The following BSX variants were observed in gnomAD, a reference collection of about 807,000 sequenced individuals.
BSX encodes brain specific homeobox, also known as brain-specific homeobox protein homolog.
BSX carries 12 observed loss-of-function variants against 16.9 expected under a neutral mutation model. The ratio of observed to expected loss-of-function variants is 0.71; its 90% CI spans 0.46 to 1.15. The LOEUF is 1.15. Ranked by LOEUF, BSX falls within the 50% of genes most tolerant of loss-of-function variation. BSX has a pLI of 0.00. For synonymous variants in BSX, 160 were observed against 136.4 expected (o/e 1.17, Z -1.20); for missense variants, 292 against 311.8 (o/e 0.94, Z 0.48).
intron 2 of BSX, among the ~76,000 whole-genome samples, chr11:122,978,798 T>C (rs1864530362): frequency 5.1e-5 from 2 of 38,962 alleles, no homozygotes; most frequent in Middle Eastern, 0.022. Context: ...TTCTTTTCTT[T>C]TTTTTTTTTT....
chr11:122,978,053 A>T (rs1864520172), intron 2 of BSX, among the ~76,000 whole-genome samples, 162 bp from the exon 3 acceptor site: 1 of 152,254 alleles, frequency 6.6e-6, no homozygotes, highest in East Asian at 1.9e-4. Context: ...AGAATCGAAC[A>T]GTCTGAGGCT....
At chr11:122,978,803 T>TCTTTTC (rs1565347820) in intron 2 of BSX, among the ~76,000 whole-genome samples, 3 of 117,336 alleles carry the variant, frequency 2.6e-5, no homozygotes, top group Non-Finnish European at 5.2e-5. Context: ...TTCTTTTTTT[T>TCTTTTC]TTTTTTTTTT....
intron 2 of BSX, 91 bp downstream of exon 2, chr11:122,979,170 T>A: frequency 8.1e-7 from 1 of 1,229,684 alleles, no homozygotes; most frequent in Non-Finnish European, 1.1e-6. Context: ...GGTCTATTTC[T>A]ACTCGAACTC....
At position 122,979,254 on chromosome 11, in the gene BSX, C is replaced by A; in HGVS notation, c.459+7G>T. 1.9e-6 allele frequency: 3 copies of A among 1,607,338 alleles called. No homozygotes were observed. The South Asian group carries it at 3.3e-5, about 18-fold the overall frequency. ...AGAGATCAGGGCCTCCCTCTCCTCC[C>A]GCCCACCTGCGTCTCGGACAGGCTG... On this transcript the variant is annotated splice_region_variant and intron_variant, in intron 2 of 2. Transcript: ENST00000343035.
chr11:122,978,766 G>A (rs1864528672), intron 2 of BSX, among the ~76,000 whole-genome samples: 1 of 143,070 alleles, frequency 7.0e-6, no homozygotes, highest in Non-Finnish European at 1.5e-5. Context: ...GGGTTGGGGT[G>A]TCGGTACTTT....
intron 2 of BSX, among the ~76,000 whole-genome samples, chr11:122,978,702 T>C (rs1471930777): frequency 6.6e-6 from 1 of 151,850 alleles, no homozygotes; most frequent in Non-Finnish European, 1.5e-5. Context: ...GAGGAGTGTT[T>C]CCTTCCTGTC....
At position 122,981,804 on chromosome 11, in the gene BSX, G is replaced by C. The variant is rs560231185; in HGVS notation, c.-133C>G. ...CTCCGCTGCTCTCTCCCGGGCCTGGGCTACCCCGGGCGCTGGAGAGGCAAG... is the reference window on the plus strand; with the variant it reads ...CTCCGCTGCTCTCTCCCGGGCCTGGCCTACCCCGGGCGCTGGAGAGGCAAG... On this transcript the variant is annotated 5_prime_UTR_variant, in exon 1 of 3. Coordinates refer to ENST00000343035, the MANE Select transcript of BSX (RefSeq NM_001098169.2). The C allele has an allele frequency of 1.1e-6, 1 of 941,450 alleles. No homozygotes were observed. Among genetic ancestry groups the C allele is most frequent in the Non-Finnish European group, 1.5e-6 (1 of 652,054 alleles). 58.3% of individuals were successfully genotyped at this position (941,450 alleles called of 1,614,324 possible). A position where few individuals can be genotyped will look rare whatever the true frequency, so the allele number is the denominator to read the frequency against.
intron 1 of BSX, among the ~76,000 whole-genome samples, chr11:122,980,485 C>T (rs1201528810): frequency 1.3e-5 from 2 of 152,222 alleles, no homozygotes; most frequent in African/African-American, 2.4e-5. Flanking sequence ...TGGATTCCAG[C>T]GCGCACAAAC....
In BSX at chr11:122,979,444, T is replaced by C; in HGVS notation, c.276A>G (p.Pro92=). ...CGTGCTGCGGGTGCGGGAACAGCGC[T>C]GGGACTGGCATCCCTGCAGAGAGAA... The part of the protein sequence containing the change: ...YFLTTSGMPV[P]ALFPHPQHAE... The change falls in exon 2 of 3, where the codon CCA becomes CCG. Residue 92 remains proline, a synonymous_variant. Transcript: ENST00000343035. The C allele has an allele frequency of 1.2e-6, 2 of 1,612,224 alleles. No homozygotes were observed. Among genetic ancestry groups the C allele is most frequent in the Non-Finnish European group, 8.5e-7 (1 of 1,179,692 alleles).
intron 1 of BSX, among the ~76,000 whole-genome samples, chr11:122,979,993 T>C (rs1209746175): frequency 6.6e-6 from 1 of 151,224 alleles, no homozygotes; most frequent in African/African-American, 2.4e-5. Context: ...AAGCCACCCC[T>C]ATCCCCCTGC....
Position 122,977,921 on chromosome 11 carries a change from T to C in BSX, c.460-30A>G, listed in dbSNP as rs931867635. 1.2e-6 allele frequency: 2 copies of C among 1,610,512 alleles called. No individual in the cohort carries two copies. Among genetic ancestry groups the C allele is most frequent in the Non-Finnish European group, 8.5e-7 (1 of 1,179,838 alleles). On this transcript the variant is annotated intron_variant, in intron 2 of 2. Coordinates refer to ENST00000343035, the MANE Select transcript of BSX (RefSeq NM_001098169.2). This position sits in a 1 kb window ranked among gnomAD's most constrained non-coding sequence, Gnocchi z 4.5. ...TTTCGGGGAGATAAAAATAAAATCATGTCATTCCTCCAAATCTGAGCCATC... is the reference window on the plus strand; with the variant it reads ...TTTCGGGGAGATAAAAATAAAATCACGTCATTCCTCCAAATCTGAGCCATC...
intron 2 of BSX, 116 bp from the exon 3 acceptor site, chr11:122,978,007 C>T (rs1591410738): frequency 1.6e-6 from 2 of 1,224,662 alleles, no homozygotes; most frequent in East Asian, 2.3e-5. Context: ...CGGTGATAGC[C>T]TCAACTGCTC....
chr11:122,981,693 A>G lies in BSX; in HGVS notation c.-22T>C. The G allele has an allele frequency of 6.4e-7, 1 of 1,570,920 alleles. No individual in the cohort carries two copies. The highest frequency in any genetic ancestry group is 8.6e-7 in the Non-Finnish European group (1 of 1,159,992). On this transcript the variant is annotated 5_prime_UTR_variant, in exon 1 of 3. Coordinates refer to ENST00000343035, the MANE Select transcript of BSX (RefSeq NM_001098169.2). ...TCATCTTGAGCGGAGCACCTGCCAC[A>G]GGACAAGGGCCGGGACGAAGTGGAG...
In BSX at chr11:122,977,952, G is replaced by T; in HGVS notation, c.460-61C>A. The T allele has an allele frequency of 6.9e-6, 11 of 1,599,606 alleles. No individual in the cohort carries two copies. Among genetic ancestry groups the T allele is most frequent in the Non-Finnish European group, 9.3e-6 (11 of 1,176,682 alleles). ...TCCTCCAAATCTGAGCCATCGCTGG[G>T]GTTTAGGAAAATGGGCTGCAGTCCG... On this transcript the variant is annotated intron_variant, in intron 2 of 2. Transcript: ENST00000343035. The surrounding 1 kb of genome is among the most constrained non-coding windows in gnomAD (Gnocchi z 4.5).
chr11:122,979,327 G>A lies in BSX; in HGVS notation c.393C>T (p.Ile131=). The A allele has an allele frequency of 6.2e-7, 1 of 1,614,166 alleles. No homozygotes were observed. Among genetic ancestry groups the A allele is most frequent in the Non-Finnish European group, 8.5e-7 (1 of 1,180,020 alleles). Residue 131 remains isoleucine (I), a synonymous_variant, in exon 2 of 3, where the codon ATC becomes ATT. Coordinates refer to ENST00000343035, the MANE Select transcript of BSX (RefSeq NM_001098169.2). ...GTTCTGGCGTGGACAGGTAGCGCTG[G>A]ATCTCGAACCTCTTCTCCAAGCCCG... ...QLSGLEKRFE[I]QRYLSTPERV...
chr11:122,977,622 G>A lies in BSX; in HGVS notation c.*27C>T. On this transcript the variant is annotated 3_prime_UTR_variant, in exon 3 of 3. Coordinates refer to ENST00000343035, the MANE Select transcript of BSX (RefSeq NM_001098169.2). This position sits in a 1 kb window ranked among gnomAD's most constrained non-coding sequence, Gnocchi z 4.5. ...GCTCGGCCCCGCAGTCTCCTCCCCT[G>A]CCTACTACCCTCCCCAGCCTGGCGG... 6.3e-7 allele frequency: 1 copy of A among 1,596,282 alleles called. No individual in the cohort carries two copies. Among genetic ancestry groups the A allele is most frequent in the Admixed American group, 1.7e-5 (1 of 58,580 alleles).
rs938164290 is a variant in BSX, at chr11:122,981,791, C to T, written c.-120G>A. On this transcript the variant is annotated 5_prime_UTR_variant, in exon 1 of 3. Transcript: ENST00000343035. ...CCGAGGCTCGAATCTCCGCTGCTCT[C>T]TCCCGGGCCTGGGCTACCCCGGGCG... 3.4e-5 allele frequency: 37 copies of T among 1,092,450 alleles called. No individual in the cohort carries two copies. The highest frequency in any genetic ancestry group is 4.5e-5 in the Non-Finnish European group (35 of 783,496). 67.7% of individuals were successfully genotyped at this position (1,092,450 alleles called of 1,614,324 possible).
rs538038326 is a variant in BSX, at chr11:122,980,608, A to C, written c.262+802T>G. Among the ~76,000 whole-genome samples the C allele has an allele frequency of 2.0e-5, 3 of 152,302 alleles. No individual in the cohort carries two copies. In the South Asian group the frequency reaches 6.2e-4, roughly 32 times the overall value. ...TCTGGCTAGATTGAAAACGCCAGAG[A>C]AAAAACCATGGATGTGGCCTTTCAG... is the stretch of plus-strand genomic sequence containing the variant. On this transcript the variant is annotated intron_variant, in intron 1 of 2. Coordinates refer to ENST00000343035, the MANE Select transcript of BSX (RefSeq NM_001098169.2).
chr11:122,979,461 C>T lies in BSX; in HGVS notation c.263-4G>A. ...AACAGCGCTGGGACTGGCATCCCTGCAGAGAGAAGAGCAACCAAGTGGGCA... is the reference window on the plus strand; with the variant it reads ...AACAGCGCTGGGACTGGCATCCCTGTAGAGAGAAGAGCAACCAAGTGGGCA... On this transcript the variant is annotated splice_polypyrimidine_tract_variant and splice_region_variant and intron_variant, in intron 1 of 2. Transcript: ENST00000343035. 6.2e-7 allele frequency: 1 copy of T among 1,608,114 alleles called. No homozygotes were observed. The highest frequency in any genetic ancestry group is 8.5e-7 in the Non-Finnish European group (1 of 1,178,304).
Sources: allele counts gnomAD v4.1 joint callset (sites outside exome capture counted in the v4.1 genomes callset), GRCh38; gene constraint gnomAD v4.1.1; non-coding constraint Gnocchi (gnomAD v3.1); transcripts MANE v1.5; gene names NCBI Gene and HGNC (gene_info 2026-07-23, HGNC 2026-07-21).